Variants in CDK15 observed in about 807,000 individuals in gnomAD.
The protein encoded by CDK15 is cyclin-dependent kinase 15.
A neutral mutation model predicts 60.3 loss-of-function variants in CDK15; 62 were observed. The ratio of observed to expected loss-of-function variants is 1.03; its 90% CI spans 0.84 to 1.27. The LOEUF is 1.27. Ranked by LOEUF, CDK15 falls within the 50% of genes most tolerant of loss-of-function variation. The pLI, the probability that CDK15 is intolerant of heterozygous loss-of-function variation, is 0.00. For missense variants in CDK15, 541 were observed against 527.8 expected (o/e 1.03, Z -0.25); for synonymous variants, 194 against 195.7 (o/e 0.99, Z 0.07).
chr2:201,838,950 G>GT (rs1397000898), intron 8 of CDK15, among the ~76,000 whole-genome samples: 34 of 150,818 alleles, frequency 2.3e-4, no homozygotes, highest in Non-Finnish European at 3.0e-4. Flanking sequence ...TTTAAGGGTT[G>GT]TTTTTTTTTG....
At chr2:201,819,574 G>A (rs1696135389) in intron 4 of CDK15, among the ~76,000 whole-genome samples, 1 of 152,214 alleles carries the variant, frequency 6.6e-6, no homozygotes, top group African/African-American at 2.4e-5. Context: ...GCTGTCCTGT[G>A]AAGAAGTGGC....
At chr2:201,831,718 G>A (rs1276164966) in intron 6 of CDK15, among the ~76,000 whole-genome samples, 1 of 152,136 alleles carries the variant, frequency 6.6e-6, no homozygotes. Flanking sequence ...GTCTACACTT[G>A]GGACATAAAA....
intron 9 of CDK15, among the ~76,000 whole-genome samples, chr2:201,850,333 A>G (rs957374280): frequency 1.3e-5 from 2 of 152,186 alleles, no homozygotes; most frequent in Non-Finnish European, 2.9e-5. Flanking sequence ...ACACAATTTA[A>G]AAAGCAATCA....
At position 201,882,197 on chromosome 2, in the gene CDK15, G is replaced by A. The variant is rs916311152; in HGVS notation, c.1198+2030G>A. 4.6e-5 allele frequency among the ~76,000 whole-genome samples: 7 copies of A among 150,780 alleles called. No individual in the cohort carries two copies. Among genetic ancestry groups the A allele is most frequent in the South Asian group, 2.1e-4 (1 of 4,796 alleles). On this transcript the variant is annotated intron_variant, in intron 12 of 13. Coordinates refer to ENST00000652192, the MANE Select transcript of CDK15 (RefSeq NM_001366386.2). This position sits in a 1 kb window ranked among gnomAD's most constrained non-coding sequence, Gnocchi z 4.0. ...TGTATGTGTGTATATGTGTGTGTGC[G>A]TATGTGTGTGTGTGTGTGTGAGAGA...
chr2:201,880,090 ACCGCGTCT>A lies in CDK15; in HGVS notation c.1126_1133del (p.Val376ProfsTer7). ...CAGATGCTAAAAGGCTTTCCCAGAG[ACCGCGTCT>A]CCGCCCAGGAAGCACTTGTTCATGA... On this transcript the variant is annotated frameshift_variant, in exon 12 of 14. Transcript: ENST00000652192. LOFTEE classifies it high-confidence loss of function. The A allele has an allele frequency of 6.2e-7, 1 of 1,614,032 alleles. No homozygotes were observed. The highest frequency in any genetic ancestry group is 8.5e-7 in the Non-Finnish European group (1 of 1,180,006).
chr2:201,892,263 T>C (rs1699663649), intron 13 of CDK15, among the ~76,000 whole-genome samples: 1 of 152,234 alleles, frequency 6.6e-6, no homozygotes, highest in African/African-American at 2.4e-5. Context: ...TTAAACCTGC[T>C]AGTTATAAGG....
At chr2:201,821,891 G>A (rs947085196) in intron 4 of CDK15, among the ~76,000 whole-genome samples, 1 of 152,126 alleles carries the variant, frequency 6.6e-6, no homozygotes, top group African/African-American at 2.4e-5. Flanking sequence ...GCGTTGGCCA[G>A]GCTGGTCTCA....
intron 10 of CDK15, among the ~76,000 whole-genome samples, chr2:201,855,383 A>G (rs934305546): frequency 1.3e-5 from 2 of 152,216 alleles, no homozygotes; most frequent in African/African-American, 4.8e-5. Context: ...AGCTGTCTGT[A>G]GGTTATACTT....
intron 8 of CDK15, 74 bp from the exon 9 acceptor site, chr2:201,847,307 A>G: frequency 7.3e-7 from 1 of 1,375,534 alleles, no homozygotes; most frequent in African/African-American, 1.4e-5. Flanking sequence ...TCTTGGGAAG[A>G]GAAATTCTAG....
intron 8 of CDK15, among the ~76,000 whole-genome samples, chr2:201,841,126 A>G (rs574747576): frequency 1.3e-4 from 20 of 152,280 alleles, no homozygotes; most frequent in African/African-American, 4.6e-4. Flanking sequence ...CTCTTAAACT[A>G]TGTATTAGGT....
chr2:201,868,641 C>T (rs1698729172), intron 10 of CDK15, among the ~76,000 whole-genome samples: 1 of 148,732 alleles, frequency 6.7e-6, no homozygotes, highest in African/African-American at 2.5e-5. Context: ...ACTCATCTGA[C>T]AAAGGGCTAA....
chr2:201,874,555 G>C (rs879310893), intron 11 of CDK15, among the ~76,000 whole-genome samples: 4 of 152,166 alleles, frequency 2.6e-5, no homozygotes, highest in Admixed American at 2.6e-4. Flanking sequence ...CGGTACCCAG[G>C]TCTCTGTGGA....
chr2:201,867,032 A>G (rs917846287), intron 10 of CDK15, among the ~76,000 whole-genome samples: 1 of 152,118 alleles, frequency 6.6e-6, no homozygotes, highest in African/African-American at 2.4e-5. Context: ...TGGGGCAACT[A>G]TTACAGGTCA....
intron 10 of CDK15, chr2:201,861,463 A>T (rs1292363395): frequency 4.1e-6 from 4 of 984,998 alleles, no homozygotes; most frequent in African/African-American, 3.5e-5. Context: ...AGTCTGAAAA[A>T]TAAATTATAT....
chr2:201,861,565 C>CT (rs869051401), intron 10 of CDK15: 25,306 of 716,214 alleles, frequency 0.035, 4 homozygotes, highest in Non-Finnish European at 0.037. Context: ...TTTTTTTTTT[C>CT]TTTTTTTTTT....
intron 8 of CDK15, among the ~76,000 whole-genome samples, chr2:201,837,477 AGG>A (rs1697177048): frequency 7.1e-6 from 1 of 140,220 alleles, no homozygotes; most frequent in African/African-American, 2.7e-5. Context: ...GAAGGAAGGA[AGG>A]AAGGAAGGAA....
chr2:201,819,638 T>C (rs927916387), intron 4 of CDK15, among the ~76,000 whole-genome samples: 2 of 152,120 alleles, frequency 1.3e-5, no homozygotes, highest in African/African-American at 2.4e-5. Flanking sequence ...CAACATATGA[T>C]AGTGGCTTGG....
chr2:201,839,352 A>C (rs1366291253), intron 8 of CDK15, among the ~76,000 whole-genome samples: 1 of 152,206 alleles, frequency 6.6e-6, no homozygotes, highest in Non-Finnish European at 1.5e-5. Context: ...ATTTTAAAAG[A>C]TAAAGACTGA....
chr2:201,814,268 G>A (rs1256790943), intron 4 of CDK15, among the ~76,000 whole-genome samples: 4 of 152,100 alleles, frequency 2.6e-5, no homozygotes, highest in Non-Finnish European at 4.4e-5. Flanking sequence ...GCATATTTAC[G>A]GAGGAATTGC....
Sources: gnomAD v4.1 joint callset for allele counts (sites outside exome capture counted in the v4.1 genomes callset) on GRCh38, gnomAD v4.1.1 for gene constraint, Gnocchi (gnomAD v3.1) non-coding constraint, MANE v1.5 for transcripts, NCBI Gene and HGNC (gene_info 2026-07-23, HGNC 2026-07-21) for gene names.